LSAMP: variants seen among roughly 807,000 people sequenced by gnomAD.
The protein encoded by LSAMP is limbic system-associated membrane protein.
In LSAMP, 7 loss-of-function variants were observed where a neutral mutation model predicts 38.6. That is an observed-to-expected ratio of 0.18 (90% CI 0.10 to 0.34). LSAMP has a LOEUF of 0.34. Ranked by LOEUF, LSAMP falls within the 10% of genes least tolerant of loss-of-function variation. The probability of loss-of-function intolerance (pLI) is 1.00; values close to 1 mark genes in which losing one functional copy is unlikely to be tolerated. For missense variants in LSAMP, 313 were observed against 420.0 expected (o/e 0.75, Z 2.23); for synonymous variants, 154 against 166.8 (o/e 0.92, Z 0.59).
At chr3:116,067,737 A>G (rs1707494983) in intron 2 of LSAMP, among the ~76,000 whole-genome samples, 1 of 152,188 alleles carries the variant, frequency 6.6e-6, no homozygotes, top group African/African-American at 2.4e-5. Context: ...CTGATACAGG[A>G]GAGTTCATCT....
intron 1 of LSAMP, among the ~76,000 whole-genome samples, chr3:116,360,323 C>T (rs1441259050): frequency 3.9e-5 from 2 of 51,584 alleles, no homozygotes; most frequent in African/African-American, 1.9e-4. Flanking sequence ...CGGCGCACCA[C>T]GAGACTATAT....
At chr3:116,206,142 G>A (rs1364245842) in intron 1 of LSAMP, among the ~76,000 whole-genome samples, 2 of 150,290 alleles carry the variant, frequency 1.3e-5, no homozygotes, top group African/African-American at 2.4e-5. Context: ...GAGAGTGTAT[G>A]TGTTGAGGAA....
intron 1 of LSAMP, among the ~76,000 whole-genome samples, chr3:116,122,946 T>C (rs752408437): frequency 2.6e-4 from 40 of 152,186 alleles, no homozygotes; most frequent in Non-Finnish European, 7.3e-5. Context: ...GAAAGACTTT[T>C]AAATAAATAG....
At chr3:115,949,263 T>C (rs1162709326) in intron 3 of LSAMP, among the ~76,000 whole-genome samples, 1 of 152,088 alleles carries the variant, frequency 6.6e-6, no homozygotes, top group Admixed American at 6.6e-5. Flanking sequence ...TGTCTCTAAA[T>C]AAATAAATAA....
chr3:115,921,124 T>G (rs939635712), intron 3 of LSAMP, among the ~76,000 whole-genome samples: 3 of 152,100 alleles, frequency 2.0e-5, no homozygotes, highest in Non-Finnish European at 4.4e-5. Flanking sequence ...TGATAGCATA[T>G]AGTTAGATCT....
At chr3:116,255,263 A>G (rs1352329286) in intron 1 of LSAMP, among the ~76,000 whole-genome samples, 1 of 152,206 alleles carries the variant, frequency 6.6e-6, no homozygotes, top group Non-Finnish European at 1.5e-5. Flanking sequence ...AAGAAATTCC[A>G]AAAGGGCAGT....
chr3:116,103,927 TA>T (rs1170402436), intron 1 of LSAMP, among the ~76,000 whole-genome samples: 1 of 152,244 alleles, frequency 6.6e-6, no homozygotes, highest in African/African-American at 2.4e-5. Flanking sequence ...TACCTTTGTA[TA>T]ATACCTGAAT....
chr3:116,431,100 G>T (rs2049274538), intron 1 of LSAMP, among the ~76,000 whole-genome samples: 1 of 151,762 alleles, frequency 6.6e-6, no homozygotes, highest in Non-Finnish European at 1.5e-5. Context: ...TCATACACAT[G>T]ATGGAAAATT....
chr3:116,287,784 A>G (rs539198663), intron 1 of LSAMP, among the ~76,000 whole-genome samples: 30 of 152,286 alleles, frequency 2.0e-4, no homozygotes, highest in African/African-American at 6.7e-4. Context: ...TCATGCTCCA[A>G]TCATTAACCT....
chr3:115,839,153 A>G (rs1448980358), intron 6 of LSAMP, among the ~76,000 whole-genome samples: 3 of 152,050 alleles, frequency 2.0e-5, no homozygotes, highest in Admixed American at 6.5e-5. Context: ...AATTAATCCC[A>G]TTTATTTGAA....
intron 2 of LSAMP, among the ~76,000 whole-genome samples, chr3:116,036,190 G>A (rs1447679436): frequency 6.6e-6 from 1 of 152,200 alleles, no homozygotes; most frequent in African/African-American, 2.4e-5. Flanking sequence ...TTATTTAGGA[G>A]TGTATGGGTC....
At chr3:115,894,827 TGA>T (rs1559870678) in intron 3 of LSAMP, among the ~76,000 whole-genome samples, 6 of 152,170 alleles carry the variant, frequency 3.9e-5, no homozygotes, top group African/African-American at 1.4e-4. Context: ...TTGTTACCAG[TGA>T]ACACATATTA....
chr3:116,245,551 CTA>C (rs1395114508), intron 1 of LSAMP, among the ~76,000 whole-genome samples: 1 of 152,150 alleles, frequency 6.6e-6, no homozygotes, highest in African/African-American at 2.4e-5. Context: ...TATATGCAAA[CTA>C]TATACAATTT....
intron 3 of LSAMP, among the ~76,000 whole-genome samples, chr3:115,996,646 GA>G (rs577230057): frequency 0.012 from 1,751 of 151,452 alleles, 14 homozygotes; most frequent in Non-Finnish European, 0.018. Flanking sequence ...TGGATGTGGG[GA>G]AAAAAAACAA....
chr3:116,071,650 T>C (rs1442667585), intron 2 of LSAMP, among the ~76,000 whole-genome samples: 1 of 152,176 alleles, frequency 6.6e-6, no homozygotes, highest in East Asian at 1.9e-4. Context: ...TTTTGTTACA[T>C]AGGTAAACGA....
At chr3:116,059,183 T>C (rs991508069) in intron 2 of LSAMP, among the ~76,000 whole-genome samples, 2 of 152,134 alleles carry the variant, frequency 1.3e-5, no homozygotes, top group Non-Finnish European at 2.9e-5. Flanking sequence ...TACAAATGAT[T>C]TATGTTTCAC....
At chr3:116,127,027 G>T (rs1450278023) in intron 1 of LSAMP, among the ~76,000 whole-genome samples, 4 of 152,142 alleles carry the variant, frequency 2.6e-5, no homozygotes, top group African/African-American at 9.7e-5. Context: ...AGAATTACTG[G>T]TTTAGACTTT....
chr3:115,914,095 T>C (rs915669643), intron 3 of LSAMP, among the ~76,000 whole-genome samples: 5 of 152,298 alleles, frequency 3.3e-5, no homozygotes, highest in Admixed American at 3.3e-4. Flanking sequence ...GCTCCGCAGA[T>C]ACAAGTTAGA....
intron 1 of LSAMP, among the ~76,000 whole-genome samples, chr3:116,212,174 G>T (rs938034288): frequency 2.6e-5 from 4 of 152,168 alleles, no homozygotes; most frequent in South Asian, 4.1e-4. Context: ...CATGTGTGGT[G>T]TGATATCAAA....
Sources: allele counts gnomAD v4.1 joint callset (sites outside exome capture counted in the v4.1 genomes callset), GRCh38; gene constraint gnomAD v4.1.1; transcripts MANE v1.5; gene names NCBI Gene and HGNC (gene_info 2026-07-23, HGNC 2026-07-21).